ZNF217: variants seen among roughly 807,000 people sequenced by gnomAD.
ZNF217 encodes zinc finger protein 217.
Under a neutral mutation model 73.3 loss-of-function variants are expected in ZNF217, and 12 were observed. That is an observed-to-expected ratio of 0.16 (90% confidence interval 0.10 to 0.27). The LOEUF is 0.27. Ranked by LOEUF, ZNF217 falls within the 10% of genes least tolerant of loss-of-function variation. The pLI is 1.00. For synonymous variants in ZNF217, 588 were observed against 516.4 expected, an observed-to-expected ratio of 1.14 and a Z score of -1.88; for missense variants, 1,195 against 1,327.8, an observed-to-expected ratio of 0.90 and a Z score of 1.55.
At position 53,583,185 on chromosome 20, in the gene ZNF217, A is replaced by C; in HGVS notation, c.-342-17T>G. On this transcript the variant is annotated splice_polypyrimidine_tract_variant and intron_variant, in intron 1 of 5. Coordinates refer to ENST00000371471, the MANE Select transcript of ZNF217 (RefSeq NM_006526.3). ...TTCCAAACCCTAGAGGAAAAAAAAC[A>C]GAAACGGTTAGCTACACTCAGAGCG... is the stretch of plus-strand genomic sequence containing the variant. The C allele has an allele frequency of 4.9e-6, 2 of 410,294 alleles. No homozygotes were observed. The highest frequency in any genetic ancestry group is 8.6e-6 in the Non-Finnish European group (2 of 232,486). 25.4% of individuals were successfully genotyped at this position (410,294 alleles called of 1,614,324 possible).
At position 53,568,394 on chromosome 20, in the gene ZNF217, GATTA is replaced by G. The variant is rs1455865418; in HGVS notation, c.*890_*893del. ...CGCCACTGAATCGTCCAACAAAAAT[GATTA>G]ATTTGACAGAAACAAATTTAAATAA... On this transcript the variant is annotated 3_prime_UTR_variant, in exon 6 of 6. Coordinates refer to ENST00000371471, the MANE Select transcript of ZNF217 (RefSeq NM_006526.3). The G allele has an allele frequency of 1.3e-5, 2 of 152,298 alleles. No individual in the cohort carries two copies. Among genetic ancestry groups the G allele is most frequent in the African/African-American group, 2.4e-5 (1 of 41,568 alleles). The allele number at this position is 152,298 out of a possible 1,614,324, so 9.4% of individuals were successfully genotyped here. A position where few individuals can be genotyped will look rare whatever the true frequency, so the allele number is the denominator to read the frequency against.
At chr20:53,590,525 C>A (rs1443819460) in intron 1 of ZNF217, among the ~76,000 whole-genome samples, 1 of 152,062 alleles carries the variant, frequency 6.6e-6, no homozygotes, top group Non-Finnish European at 1.5e-5. Flanking sequence ...AAAGTGGCAT[C>A]TTTCAGGCAG....
At chr20:53,573,149 G>C (rs1451402390) in intron 4 of ZNF217, among the ~76,000 whole-genome samples, 1 of 147,908 alleles carries the variant, frequency 6.8e-6, no homozygotes, top group Non-Finnish European at 1.5e-5. Flanking sequence ...TTGAGATGGA[G>C]TCTCGCTCTG....
In ZNF217 at chr20:53,582,669, T is replaced by G; in HGVS notation, c.158A>C (p.Glu53Ala). 2 of 1,614,156 alleles carry G rather than the reference T, an allele frequency of 1.2e-6. No homozygotes were observed. Among genetic ancestry groups the G allele is most frequent in the Non-Finnish European group, 1.7e-6 (2 of 1,180,008 alleles). Residue 53 changes from glutamate to alanine, a missense_variant, in exon 2 of 6, where the codon GAA becomes GCA. By Grantham distance (107) the Glu-to-Ala change is moderately radical (BLOSUM62 -1). Coordinates refer to ENST00000371471, the MANE Select transcript of ZNF217 (RefSeq NM_006526.3). The surrounding 1 kb of genome is among the most constrained non-coding windows in gnomAD (Gnocchi z 4.8). ...CCCCTCGATTTGGATGACATTTTTT[T>G]CTTGTGTAGCTCGGAATGGAACAAC... ...TAVVPFRATQ[E>A]KNVIQIEGYM...
Position 53,578,316 on chromosome 20 carries a change from A to G in ZNF217, c.1483+18T>C, listed in dbSNP as rs762492354. On this transcript the variant is annotated intron_variant, in intron 3 of 5. Coordinates refer to ENST00000371471, the MANE Select transcript of ZNF217 (RefSeq NM_006526.3). ...ATAATTTAACTAATGCATGGTTAAA[A>G]AAATAAAAGTTCTTTACCTGTATGC... 98 of 1,526,122 alleles carry G rather than the reference A, an allele frequency of 6.4e-5. No individual in the cohort carries two copies. The highest frequency in any genetic ancestry group is 1.7e-4 in the Middle Eastern group (1 of 5,882). 94.5% of individuals were successfully genotyped at this position (1,526,122 alleles called of 1,614,324 possible). A position where few individuals can be genotyped will look rare whatever the true frequency, so the allele number is the denominator to read the frequency against.
At chr20:53,597,109 A>C (rs1326864), upstream of ZNF217, among the ~76,000 whole-genome samples, 97,489 of 138,608 alleles carry the variant, frequency 0.7, 34,056 homozygotes, top group African/African-American at 0.81. Context: ...AAAAAAAAAA[A>C]AAAACTTCTG....
upstream of ZNF217, among the ~76,000 whole-genome samples, chr20:53,596,288 AAAG>A (rs1288636571): frequency 6.6e-6 from 1 of 152,060 alleles, no homozygotes; most frequent in Non-Finnish European, 1.5e-5. Flanking sequence ...TTTAAAACTG[AAAG>A]ATGATTATAA....
In ZNF217 at chr20:53,582,057, C is replaced by A; in HGVS notation, c.770G>T (p.Gly257Val). The change falls in exon 2 of 6, where the codon GGA becomes GTA. Residue 257 changes from glycine (G) to valine (V), a missense_variant. Gly to Val is a moderately radical substitution (Grantham distance 109). Coordinates refer to ENST00000371471, the MANE Select transcript of ZNF217 (RefSeq NM_006526.3). This position sits in a 1 kb window ranked among gnomAD's most constrained non-coding sequence, Gnocchi z 4.8. ...GAAGTCCTCCCTCGAGGACGGCATT[C>A]CTCCTTGTGGAGAGTCTGTCTGCGC... ...SSAQTDSPQG[G>V]MPSSREDFLQ... 6.2e-7 allele frequency: 1 copy of A among 1,614,242 alleles called. No individual in the cohort carries two copies. Among genetic ancestry groups the A allele is most frequent in the Non-Finnish European group, 8.5e-7 (1 of 1,180,036 alleles).
intron 1 of ZNF217, among the ~76,000 whole-genome samples, chr20:53,590,820 A>G (rs1441727561): frequency 6.6e-6 from 1 of 152,236 alleles, no homozygotes; most frequent in Admixed American, 6.5e-5. Context: ...TTGCCAGGCC[A>G]TTATATTCCT....
intron 2 of ZNF217, among the ~76,000 whole-genome samples, chr20:53,580,383 G>A (rs1408958851): frequency 6.6e-6 from 1 of 152,206 alleles, no homozygotes; most frequent in Non-Finnish European, 1.5e-5. Context: ...TTTGACAGAT[G>A]CTTCCCTAAG....
At position 53,581,871 on chromosome 20, in the gene ZNF217, T is replaced by C. The variant is rs1221610882; in HGVS notation, c.956A>G (p.Glu319Gly). The change falls in exon 2 of 6, where the codon GAA becomes GGA. Residue 319 changes from glutamate (E) to glycine (G), a missense_variant. Glu to Gly is a moderately conservative substitution (Grantham distance 98). Transcript: ENST00000371471. This position sits in a 1 kb window ranked among gnomAD's most constrained non-coding sequence, Gnocchi z 4.9. Reference protein sequence around the residue: ...ICQEVKESGQEGSTDNDDSSS... With the variant: ...ICQEVKESGQGGSTDNDDSSS... ...CGAATCGTCGTTGTCGGTGCTCCCT[T>C]CTTGCCCCGATTCCTTCACTTCTTG... is the stretch of plus-strand genomic sequence containing the variant. 3 of 1,614,112 alleles carry C rather than the reference T, an allele frequency of 1.9e-6. No individual in the cohort carries two copies. In the African/African-American group the frequency reaches 4.0e-5, roughly 22 times the overall value.
At chr20:53,584,672 A>G (rs923504538) in intron 1 of ZNF217, among the ~76,000 whole-genome samples, 6 of 152,212 alleles carry the variant, frequency 3.9e-5, no homozygotes, top group Admixed American at 1.3e-4. Context: ...TATTTAACGC[A>G]GTTGGTTAAA....
At chr20:53,584,789 G>C (rs1378783395) in intron 1 of ZNF217, among the ~76,000 whole-genome samples, 1 of 152,156 alleles carries the variant, frequency 6.6e-6, no homozygotes, top group African/African-American at 2.4e-5. Flanking sequence ...AAGTGACTTA[G>C]GTTTCTATAC....
chr20:53,578,578 G>A (rs1400693875), intron 2 of ZNF217, 128 bp from the exon 3 acceptor site: 5 of 589,168 alleles, frequency 8.5e-6, no homozygotes, highest in African/African-American at 7.7e-5. Flanking sequence ...TATAACATCG[G>A]GTTAGAACAA....
At position 53,589,705 on chromosome 20, in the gene ZNF217, T is replaced by C. The variant is rs1988816189; in HGVS notation, c.-343+4051A>G. The stretch of plus-strand genomic sequence containing the variant: ...TGCAAATTTGTCTGTTATTACTGGT[T>C]GGGGAAAAATAACCCAGTTCACCTT... On this transcript the variant is annotated intron_variant, in intron 1 of 5. Transcript: ENST00000371471. Among the ~76,000 whole-genome samples, 5 of 152,314 alleles carry C rather than the reference T, an allele frequency of 3.3e-5. No individual in the cohort carries two copies. In the South Asian group the frequency reaches 1.0e-3, roughly 32 times the overall value.
chr20:53,594,281 T>C (rs1988995670), upstream of ZNF217, among the ~76,000 whole-genome samples: 1 of 151,196 alleles, frequency 6.6e-6, no homozygotes, highest in African/African-American at 2.4e-5. Flanking sequence ...AGGGAGCAGC[T>C]GTTGCGCCCT....
In ZNF217 at chr20:53,575,575, CG is replaced by C. The variant is rs1223022387; in HGVS notation, c.3037+151del. ...GCCTTGGAGGACCACAAACCACTGCCGTATCTAAGAATGCTTCTCTCTGTGA... is the reference window on the plus strand; with the variant it reads ...GCCTTGGAGGACCACAAACCACTGCCTATCTAAGAATGCTTCTCTCTGTGA... On this transcript the variant is annotated intron_variant, in intron 4 of 5. Transcript: ENST00000371471. The C allele has an allele frequency of 1.0e-5, 7 of 672,460 alleles. No individual in the cohort carries two copies. In the East Asian group the frequency reaches 1.9e-4, roughly 19 times the overall value. 41.7% of individuals were successfully genotyped at this position (672,460 alleles called of 1,614,324 possible).
chr20:53,571,909 GTA>G, intron 4 of ZNF217, 56 bp from the exon 5 acceptor site: 1 of 1,522,256 alleles, frequency 6.6e-7, no homozygotes. Context: ...GGTAAGATGT[GTA>G]TAGGTTTTTA....
intron 4 of ZNF217, 146 bp downstream of exon 4, chr20:53,575,581 T>C: frequency 1.4e-6 from 1 of 723,278 alleles, no homozygotes; most frequent in Non-Finnish European, 2.2e-6. Context: ...CTGCCGTATC[T>C]AAGAATGCTT....
Sources: allele counts gnomAD v4.1 joint callset (sites outside exome capture counted in the v4.1 genomes callset), GRCh38; gene constraint gnomAD v4.1.1; non-coding constraint Gnocchi (gnomAD v3.1); transcripts MANE v1.5; gene names NCBI Gene and HGNC (gene_info 2026-07-23, HGNC 2026-07-21).